Variants in RBFA observed in about 807,000 individuals in gnomAD.
RBFA encodes the protein ribosome binding factor A.
RBFA carries 16 observed loss-of-function variants against 27.9 expected under a neutral mutation model. The ratio of observed to expected loss-of-function variants is 0.57; its 90% CI spans 0.39 to 0.87. RBFA has a LOEUF of 0.87. RBFA is among the 40% of genes least tolerant of loss of function. The pLI is 0.00. For synonymous variants in RBFA, 181 were observed against 181.0 expected (o/e 1.00, Z 0.00); for missense variants, 456 against 432.1 (o/e 1.06, Z -0.49).
At chr18:80,044,319 G>A (rs374878798) in intron 6 of RBFA, 34 bp downstream of exon 6, 6 of 1,570,918 alleles carry the variant, frequency 3.8e-6, no homozygotes, top group South Asian at 1.1e-5. Context: ...TGATTCCCTG[G>A]GGTACATTCC....
intron 3 of RBFA, 66 bp downstream of exon 3, chr18:80,037,572 C>T: frequency 5.0e-6 from 7 of 1,403,124 alleles, no homozygotes; most frequent in Non-Finnish European, 2.0e-6. Flanking sequence ...CTTTACCTGG[C>T]CCAGTCTTGC....
chr18:80,034,478 G>T lies in RBFA; in HGVS notation c.-18G>T, dbSNP rs1437610235. 6.6e-7 allele frequency: 1 copy of T among 1,510,568 alleles called. No homozygotes were observed. The highest frequency in any genetic ancestry group is 8.8e-7 in the Non-Finnish European group (1 of 1,139,720). The allele number at this position is 1,510,568 out of a possible 1,614,324, so 93.6% of individuals were successfully genotyped here. Reference sequence around the variant, plus strand: ...CGCCCGTTGTCTCCCTGCTCGCTCCGGGTCCCGGCGCCGCGCCATGTGGGC... The same window carrying T: ...CGCCCGTTGTCTCCCTGCTCGCTCCTGGTCCCGGCGCCGCGCCATGTGGGC... On this transcript the variant is annotated 5_prime_UTR_variant, in exon 1 of 7. Coordinates refer to ENST00000306735, the MANE Select transcript of RBFA (RefSeq NM_024805.3).
In RBFA at chr18:80,038,553, A is replaced by G. The variant is rs895061546; in HGVS notation, c.427A>G (p.Thr143Ala). The G allele has an allele frequency of 3.1e-6, 5 of 1,613,936 alleles. No individual in the cohort carries two copies. Among genetic ancestry groups the G allele is most frequent in the Non-Finnish European group, 4.2e-6 (5 of 1,179,956 alleles). The change falls in exon 4 of 7, where the codon ACG becomes GCG. Residue 143 changes from threonine (T) to alanine (A), a missense_variant. By Grantham distance (58) the Thr-to-Ala change is moderately conservative (BLOSUM62 0). Coordinates refer to ENST00000306735, the MANE Select transcript of RBFA (RefSeq NM_024805.3). ...FSACRAYWKT[T>A]LSAEQNAHME... ...AGCCTGCCGAGCGTACTGGAAGACAACGCTCTCTGCTGAGCAGAACGCACA... is the reference window on the plus strand; with the variant it reads ...AGCCTGCCGAGCGTACTGGAAGACAGCGCTCTCTGCTGAGCAGAACGCACA...
chr18:80,044,095 T>C (rs966516264), intron 5 of RBFA, 117 bp from the exon 6 acceptor site: 1 of 848,198 alleles, frequency 1.2e-6, no homozygotes, highest in Non-Finnish European at 2.1e-6. Context: ...TGGAAGGAAT[T>C]GTGCAAAGTC....
chr18:80,041,072 G>A (rs2145146251), intron 4 of RBFA, among the ~76,000 whole-genome samples: 1 of 152,304 alleles, frequency 6.6e-6, no homozygotes, highest in South Asian at 2.1e-4. Flanking sequence ...GTGGCCGTGT[G>A]TGGGCTTCGT....
chr18:80,040,440 A>G (rs986086787), intron 4 of RBFA, among the ~76,000 whole-genome samples: 2 of 151,548 alleles, frequency 1.3e-5, no homozygotes, highest in Admixed American at 1.3e-4. Context: ...TAGAGATAGG[A>G]TCTCTCTATG....
In RBFA at chr18:80,041,720, CTT is replaced by C. The variant is rs60801792; in HGVS notation, c.492-402_492-401del. The C allele has an allele frequency of 5.0e-3, 710 of 142,324 alleles. 7 individuals carry two copies. The highest frequency in any genetic ancestry group is 0.014 in the African/African-American group (531 of 38,558). The allele number at this position is 142,324 out of a possible 1,614,324, so 8.8% of individuals were successfully genotyped here. ...AATACGATAAATCTCACTCCTGCCT[CTT>C]TTTTTTTTTTTTCTTTTTTTTTGAG... On this transcript the variant is annotated intron_variant, in intron 4 of 6. Coordinates refer to ENST00000306735, the MANE Select transcript of RBFA (RefSeq NM_024805.3).
rs368746946 is a variant in RBFA at position 80,048,299 on chromosome 18, G to T, written c.*2144G>T. ...AGAGTCTGCCATGCAGGAGTGCTTC[G>T]CAGGTCAGGCACTGCTCTGAGTGCT... On this transcript the variant is annotated 3_prime_UTR_variant, in exon 7 of 7. Transcript: ENST00000306735. 8.5e-5 allele frequency: 13 copies of T among 152,450 alleles called. No homozygotes were observed. Among genetic ancestry groups the T allele is most frequent in the African/African-American group, 2.9e-4 (12 of 41,448 alleles). The allele number at this position is 152,450 out of a possible 1,614,324, so 9.4% of individuals were successfully genotyped here. A position where few individuals can be genotyped will look rare whatever the true frequency, so the allele number is the denominator to read the frequency against.
chr18:80,040,239 ATTTT>A (rs71338083), intron 4 of RBFA, among the ~76,000 whole-genome samples: 20 of 91,418 alleles, frequency 2.2e-4, no homozygotes, highest in African/African-American at 6.5e-4. Flanking sequence ...GGAGGCCTGA[ATTTT>A]TTTTTTTTTT....
In RBFA at chr18:80,034,602, G is replaced by C; in HGVS notation, c.107G>C (p.Cys36Ser). 6.2e-7 allele frequency: 1 copy of C among 1,610,052 alleles called. No individual in the cohort carries two copies. Among genetic ancestry groups the C allele is most frequent in the Non-Finnish European group, 8.5e-7 (1 of 1,179,156 alleles). The change falls in exon 1 of 7, where the codon TGC becomes TCC. Residue 36 changes from cysteine to serine, a missense_variant. Coordinates refer to ENST00000306735, the MANE Select transcript of RBFA (RefSeq NM_024805.3). ...CCAGGCTGCGAGCGGGGACTTCACTGCTCTGCTGTCTCCTGCAAGAACTGG... is the reference window on the plus strand; with the variant it reads ...CCAGGCTGCGAGCGGGGACTTCACTCCTCTGCTGTCTCCTGCAAGAACTGG... The part of the protein sequence containing the change: ...LFPGCERGLH[C>S]SAVSCKNWLK...
rs2052053327 is a variant in RBFA at position 80,046,248 on chromosome 18, C to T, written c.*93C>T. The T allele has an allele frequency of 7.3e-7, 1 of 1,363,886 alleles. No homozygotes were observed. Among genetic ancestry groups the T allele is most frequent in the Non-Finnish European group, 9.9e-7 (1 of 1,007,296 alleles). 84.5% of individuals were successfully genotyped at this position (1,363,886 alleles called of 1,614,324 possible). On this transcript the variant is annotated 3_prime_UTR_variant, in exon 7 of 7. Coordinates refer to ENST00000306735, the MANE Select transcript of RBFA (RefSeq NM_024805.3). The stretch of plus-strand genomic sequence containing the variant: ...CATTGAGGCAGTTGATGGAGTTAAA[C>T]CATCTGCTCTTCTGCTACTTCAACA...
At position 80,042,208 on chromosome 18, in the gene RBFA, G is replaced by A. The variant is rs1312659066; in HGVS notation, c.565G>A (p.Ala189Thr). 1.2e-6 allele frequency: 2 copies of A among 1,600,728 alleles called. No homozygotes were observed. Among genetic ancestry groups the A allele is most frequent in the Admixed American group, 3.4e-5 (2 of 58,336 alleles). Residue 189 changes from alanine to threonine, a missense_variant, in exon 5 of 7, where the codon GCT becomes ACT. Ala to Thr is a moderately conservative substitution (Grantham distance 58). Transcript: ENST00000306735. Reference sequence around the variant, plus strand: ...GTTTGTTCAAGACAAGGGAAATGCAGCTCTAGCTGAGGTAAGGTTTTCAAA... The same window carrying A: ...GTTTGTTCAAGACAAGGGAAATGCAACTCTAGCTGAGGTAAGGTTTTCAAA... ...IVFVQDKGNA[A>T]LAELDQLLAV...
chr18:80,039,493 T>C (rs1328947997), intron 4 of RBFA, among the ~76,000 whole-genome samples: 2 of 152,206 alleles, frequency 1.3e-5, no homozygotes, highest in African/African-American at 4.8e-5. Context: ...GAGCAGACTG[T>C]TTAGGTTTGG....
intron 1 of RBFA, chr18:80,034,952 A>G: frequency 2.8e-6 from 1 of 355,580 alleles, no homozygotes; most frequent in Non-Finnish European, 5.1e-6. Context: ...AAATATAAGA[A>G]TTTCCTTGCT....
intron 1 of RBFA, 127 bp downstream of exon 1, chr18:80,034,780 G>C (rs1017456554): frequency 2.5e-6 from 3 of 1,187,194 alleles, no homozygotes; most frequent in Non-Finnish European, 3.5e-6. Flanking sequence ...TGCCTCCTGG[G>C]GTCTGCAGCA....
chr18:80,038,546 GAAGA>G lies in RBFA; in HGVS notation c.421_424del (p.Lys141GlnfsTer22), dbSNP rs2051996724. On this transcript the variant is annotated frameshift_variant, in exon 4 of 7. Transcript: ENST00000306735. LOFTEE classifies it high-confidence loss of function. ...ACTTCTCAGCCTGCCGAGCGTACTG[GAAGA>G]CAACGCTCTCTGCTGAGCAGAACGC... 1 of 1,613,916 alleles carries G rather than the reference GAAGA, an allele frequency of 6.2e-7. No homozygotes were observed. Among genetic ancestry groups the G allele is most frequent in the African/African-American group, 1.3e-5 (1 of 74,934 alleles).
chr18:80,037,228 G>C (rs1052033314), intron 2 of RBFA, 102 bp from the exon 3 acceptor site: 6 of 826,276 alleles, frequency 7.3e-6, no homozygotes, highest in Non-Finnish European at 1.2e-5. Context: ...AGCTGCTGTT[G>C]ATCTGGTTGC....
intron 6 of RBFA, 93 bp downstream of exon 6, chr18:80,044,378 C>A: frequency 9.0e-7 from 1 of 1,111,590 alleles, no homozygotes; most frequent in Non-Finnish European, 1.4e-6. Context: ...CGCCACATCC[C>A]GAGTAGCCTG....
At chr18:80,045,288 G>A (rs527878186) in intron 6 of RBFA, among the ~76,000 whole-genome samples, 3 of 150,314 alleles carry the variant, frequency 2.0e-5, no homozygotes, top group Admixed American at 6.7e-5. Flanking sequence ...GTGCAGCGGC[G>A]TGATCTTGGC....
Sources: gnomAD v4.1 joint callset for allele counts (sites outside exome capture counted in the v4.1 genomes callset) on GRCh38, gnomAD v4.1.1 for gene constraint, MANE v1.5 for transcripts, NCBI Gene and HGNC (gene_info 2026-07-23, HGNC 2026-07-21) for gene names.